PDZRN4: variants seen among roughly 807,000 people sequenced by gnomAD.
PDZRN4 encodes PDZ domain-containing RING finger protein 4.
A neutral mutation model predicts 99.0 loss-of-function variants in PDZRN4; 70 were observed. That is an observed-to-expected ratio of 0.71 (90% CI 0.58 to 0.86). PDZRN4 has a LOEUF of 0.86. PDZRN4 is among the 40% of genes least tolerant of loss of function. The probability of loss-of-function intolerance (pLI) is 0.00; values close to 1 mark genes in which losing one functional copy is unlikely to be tolerated. For missense variants in PDZRN4, 1,474 were observed against 1,331.2 expected (o/e 1.11, Z -1.67); for synonymous variants, 551 against 501.6 (o/e 1.10, Z -1.32).
At chr12:41,271,032 A>T (rs1323104241) in intron 3 of PDZRN4, among the ~76,000 whole-genome samples, 1 of 152,046 alleles carries the variant, frequency 6.6e-6, no homozygotes, top group Non-Finnish European at 1.5e-5. Flanking sequence ...CACATATATG[A>T]CTAATTCTAC....
chr12:41,452,111 A>C (rs1406459539), intron 3 of PDZRN4, among the ~76,000 whole-genome samples: 1 of 108,116 alleles, frequency 9.2e-6, no homozygotes, highest in East Asian at 2.5e-4. Flanking sequence ...AAGGTGAATA[A>C]GAGACAAAAA....
intron 3 of PDZRN4, among the ~76,000 whole-genome samples, chr12:41,447,117 A>G (rs182020711): frequency 6.6e-6 from 1 of 151,988 alleles, no homozygotes; most frequent in African/African-American, 2.4e-5. Context: ...AATCAAATAG[A>G]GTCTTCAGTC....
intron 3 of PDZRN4, among the ~76,000 whole-genome samples, chr12:41,287,913 T>C (rs1951431335): frequency 6.6e-6 from 1 of 152,136 alleles, no homozygotes; most frequent in African/African-American, 2.4e-5. Flanking sequence ...CTAAATATTA[T>C]GAGAGAAAGA....
intron 3 of PDZRN4, among the ~76,000 whole-genome samples, chr12:41,396,177 T>C (rs1464431782): frequency 6.6e-6 from 1 of 152,308 alleles, no homozygotes; most frequent in East Asian, 1.9e-4. Flanking sequence ...TTCATGTTAC[T>C]GCAGGTAAAG....
chr12:41,246,699 G>C (rs1788476447), intron 3 of PDZRN4, among the ~76,000 whole-genome samples: 1 of 152,134 alleles, frequency 6.6e-6, no homozygotes, highest in Admixed American at 6.5e-5. Context: ...TTTATCTTAT[G>C]AACCTTCCCA....
chr12:41,442,520 T>C (rs990323866), intron 3 of PDZRN4, among the ~76,000 whole-genome samples: 1 of 152,130 alleles, frequency 6.6e-6, no homozygotes, highest in Non-Finnish European at 1.5e-5. Flanking sequence ...CAGATCCTCA[T>C]TAGGACTCAC....
chr12:41,372,824 A>T (rs1025953212), intron 3 of PDZRN4, among the ~76,000 whole-genome samples: 3 of 152,120 alleles, frequency 2.0e-5, no homozygotes, highest in African/African-American at 7.2e-5. Flanking sequence ...AAAGGTTATG[A>T]TGGGATATTT....
intron 3 of PDZRN4, among the ~76,000 whole-genome samples, chr12:41,270,767 C>A (rs886948570): frequency 6.6e-6 from 1 of 151,958 alleles, no homozygotes; most frequent in African/African-American, 2.4e-5. Context: ...TTTATTCATT[C>A]TTTTATTAAT....
intron 3 of PDZRN4, among the ~76,000 whole-genome samples, chr12:41,375,939 C>T (rs1049371942): frequency 6.6e-6 from 1 of 152,160 alleles, no homozygotes; most frequent in African/African-American, 2.4e-5. Flanking sequence ...ATCCATTCTA[C>T]TCTTAATTTC....
intron 3 of PDZRN4, among the ~76,000 whole-genome samples, chr12:41,463,003 A>G (rs1395278828): frequency 6.6e-6 from 1 of 152,198 alleles, no homozygotes; most frequent in East Asian, 1.9e-4. Flanking sequence ...CATGATAGGC[A>G]CAGCCTTGTC....
intron 5 of PDZRN4, among the ~76,000 whole-genome samples, chr12:41,527,061 A>T (rs1324704449): frequency 2.0e-5 from 3 of 152,226 alleles, no homozygotes; most frequent in Non-Finnish European, 4.4e-5. Context: ...ATATAATTAC[A>T]CTACCGTGAG....
intron 3 of PDZRN4, among the ~76,000 whole-genome samples, chr12:41,434,477 A>G (rs1236743223): frequency 6.6e-6 from 1 of 152,190 alleles, no homozygotes; most frequent in Non-Finnish European, 1.5e-5. Flanking sequence ...TCTATCATTT[A>G]ATCTTCAATT....
intron 3 of PDZRN4, among the ~76,000 whole-genome samples, chr12:41,503,929 G>A (rs1454688265): frequency 6.6e-6 from 1 of 152,082 alleles, no homozygotes; most frequent in Non-Finnish European, 1.5e-5. Context: ...TTGATGCAAG[G>A]CTTATAAGAA....
Position 41,477,806 on chromosome 12 carries a change from A to G in PDZRN4, c.844-28650A>G, listed in dbSNP as rs1937618447. The stretch of plus-strand genomic sequence containing the variant: ...AAGCCCACAGGCGCCTTTACCATGC[A>G]TGTGGTAATGATTTTGATTATGAAA... On this transcript the variant is annotated intron_variant, in intron 3 of 9. Transcript: ENST00000402685. 1.4e-5 allele frequency: 13 copies of G among 944,260 alleles called. No homozygotes were observed. The South Asian group carries it at 1.4e-4, about 10-fold the overall frequency. The allele number at this position is 944,260 out of a possible 1,614,324, so 58.5% of individuals were successfully genotyped here.
At chr12:41,452,105 T>G (rs1952779600) in intron 3 of PDZRN4, among the ~76,000 whole-genome samples, 1 of 123,142 alleles carries the variant, frequency 8.1e-6, no homozygotes, top group African/African-American at 3.6e-5. Context: ...TTCTAGAAGG[T>G]GAATAAGAGA....
At chr12:41,366,064 G>A (rs779066975) in intron 3 of PDZRN4, among the ~76,000 whole-genome samples, 10 of 152,076 alleles carry the variant, frequency 6.6e-5, no homozygotes, top group Non-Finnish European at 1.5e-4. Context: ...ACCACAGATT[G>A]CTAATACTAT....
intron 9 of PDZRN4, among the ~76,000 whole-genome samples, 191 bp from the exon 10 acceptor site, chr12:41,572,173 C>A (rs1939493983): frequency 6.6e-6 from 1 of 152,074 alleles, no homozygotes; most frequent in Non-Finnish European, 1.5e-5. Flanking sequence ...TTGTTTTCTT[C>A]ATTTCATTGT....
intron 3 of PDZRN4, among the ~76,000 whole-genome samples, chr12:41,499,317 G>A (rs1194518075): frequency 6.6e-6 from 1 of 152,130 alleles, no homozygotes; most frequent in Non-Finnish European, 1.5e-5. Context: ...TCCAACTCAT[G>A]TGCCAAAAAG....
At chr12:41,406,820 T>A (rs957394474) in intron 3 of PDZRN4, among the ~76,000 whole-genome samples, 9 of 139,244 alleles carry the variant, frequency 6.5e-5, no homozygotes, top group Admixed American at 1.5e-4. Flanking sequence ...ATCGTGCCAT[T>A]GCCCTCCAGC....
Sources: gnomAD v4.1 joint callset for allele counts (sites outside exome capture counted in the v4.1 genomes callset) on GRCh38, gnomAD v4.1.1 for gene constraint, MANE v1.5 for transcripts, NCBI Gene and HGNC (gene_info 2026-07-23, HGNC 2026-07-21) for gene names.